SLC22A11: variants seen among roughly 807,000 people sequenced by gnomAD.
SLC22A11 encodes the protein solute carrier family 22 member 11, also known as organic anion transporter 4.
SLC22A11 carries 42 observed loss-of-function variants against 49.4 expected under a neutral mutation model. That is an observed-to-expected ratio of 0.85 (90% CI 0.66 to 1.10). The LOEUF (loss-of-function observed/expected upper bound fraction) is 1.10. Among genes scored for constraint, SLC22A11 ranks in the 50% least tolerant of loss-of-function variants. The pLI is 0.00. For synonymous variants in SLC22A11, 304 were observed against 315.8 expected, an observed-to-expected ratio of 0.96 and a Z score of 0.40; for missense variants, 685 against 731.6, an observed-to-expected ratio of 0.94 and a Z score of 0.74.
chr11:64,558,354 T>A (rs997299595), intron 1 of SLC22A11, among the ~76,000 whole-genome samples: 5 of 152,182 alleles, frequency 3.3e-5, no homozygotes, highest in African/African-American at 1.2e-4. Context: ...AGAGAAGCTC[T>A]GTGGGGGGAT....
intron 1 of SLC22A11, 24 bp downstream of exon 1, chr11:64,556,416 C>T (rs773707058): frequency 1.7e-5 from 27 of 1,605,502 alleles, no homozygotes; most frequent in Non-Finnish European, 2.2e-5. Context: ...CAGAGCCACT[C>T]GAGTCCCGTC....
chr11:64,565,834 C>T lies in SLC22A11; in HGVS notation c.1058+497C>T. The T allele has an allele frequency of 3.5e-6, 1 of 289,210 alleles. No individual in the cohort carries two copies. The highest frequency in any genetic ancestry group is 3.5e-5 in the South Asian group (1 of 28,872). The allele number at this position is 289,210 out of a possible 1,614,324, so 17.9% of individuals were successfully genotyped here. A position where few individuals can be genotyped will look rare whatever the true frequency, so the allele number is the denominator to read the frequency against. On this transcript the variant is annotated intron_variant, in intron 6 of 9. Transcript: ENST00000301891. The surrounding 1 kb of genome is among the most constrained non-coding windows in gnomAD (Gnocchi z 4.1). ...AAGGAACAAGCCCAAAATAATAGAG[C>T]CTGCATTGGAACCGGGCTGAGCTAA... is the stretch of plus-strand genomic sequence containing the variant.
In SLC22A11 at chr11:64,564,539, A is replaced by C; in HGVS notation, c.942+111A>C. 1 of 1,337,168 alleles carries C rather than the reference A, an allele frequency of 7.5e-7. No homozygotes were observed. Among genetic ancestry groups the C allele is most frequent in the Non-Finnish European group, 1.0e-6 (1 of 963,328 alleles). 82.8% of individuals were successfully genotyped at this position (1,337,168 alleles called of 1,614,324 possible). On this transcript the variant is annotated intron_variant, in intron 5 of 9. Coordinates refer to ENST00000301891, the MANE Select transcript of SLC22A11 (RefSeq NM_018484.4). This position sits in a 1 kb window ranked among gnomAD's most constrained non-coding sequence, Gnocchi z 4.2. Reference sequence around the variant, plus strand: ...CTCCAGCACCACCTCCACCAGCACCACCACCAGCATCTCCACAGACACCAC... The same window carrying C: ...CTCCAGCACCACCTCCACCAGCACCCCCACCAGCATCTCCACAGACACCAC...
chr11:64,557,932 G>A lies in SLC22A11; in HGVS notation c.394-1203G>A, dbSNP rs1273691893. Among the ~76,000 whole-genome samples the A allele has an allele frequency of 2.0e-5, 3 of 151,828 alleles. No individual in the cohort carries two copies. The East Asian group carries it at 5.8e-4, about 29-fold the overall frequency. On this transcript the variant is annotated intron_variant, in intron 1 of 9. Coordinates refer to ENST00000301891, the MANE Select transcript of SLC22A11 (RefSeq NM_018484.4). Reference sequence around the variant, plus strand: ...CCAGCCTCAGCCTCCCGAGTAGCTGGAATTACAGGCATGCACAACCACTCC... The same window carrying A: ...CCAGCCTCAGCCTCCCGAGTAGCTGAAATTACAGGCATGCACAACCACTCC...
chr11:64,559,485 C>T (rs2047264306), intron 2 of SLC22A11, among the ~76,000 whole-genome samples: 1 of 152,070 alleles, frequency 6.6e-6, no homozygotes, highest in African/African-American at 2.4e-5. Context: ...GGCCATCCCC[C>T]ACCGCCCCCA....
In SLC22A11 at chr11:64,567,716, T is replaced by C. The variant is rs2038646593; in HGVS notation, c.1176T>C (p.Thr392=). Reference sequence around the variant, plus strand: ...TGGACTTCCTGGGCCGGGCCACCACTGCCCTCTTGCTCAGTTTCCTTGGCC... The same window carrying C: ...TGGACTTCCTGGGCCGGGCCACCACCGCCCTCTTGCTCAGTTTCCTTGGCC... ...GAVDFLGRAT[T]ALLLSFLGRR... Residue 392 remains threonine (T), a synonymous_variant, in exon 7 of 10, where the codon ACT becomes ACC. Coordinates refer to ENST00000301891, the MANE Select transcript of SLC22A11 (RefSeq NM_018484.4). 6.2e-7 allele frequency: 1 copy of C among 1,613,684 alleles called. No homozygotes were observed. Among genetic ancestry groups the C allele is most frequent in the African/African-American group, 1.3e-5 (1 of 74,940 alleles).
Position 64,562,914 on chromosome 11 carries a change from C to T in SLC22A11, c.821+479C>T, listed in dbSNP as rs1261480906. On this transcript the variant is annotated intron_variant, in intron 4 of 9. Transcript: ENST00000301891. The surrounding 1 kb of genome is among the most constrained non-coding windows in gnomAD (Gnocchi z 4.4). ...GAGCATCGTCCTTCCTCAATACTTGCACCAGCCCCCACCCACCAGCTTCAC... is the reference window on the plus strand; with the variant it reads ...GAGCATCGTCCTTCCTCAATACTTGTACCAGCCCCCACCCACCAGCTTCAC... 1.3e-5 allele frequency among the ~76,000 whole-genome samples: 2 copies of T among 152,204 alleles called. No individual in the cohort carries two copies. The highest frequency in any genetic ancestry group is 2.9e-5 in the Non-Finnish European group (2 of 68,030).
At chr11:64,567,963 C>A in intron 7 of SLC22A11, 150 bp downstream of exon 7, 1 of 821,334 alleles carries the variant, frequency 1.2e-6, no homozygotes, top group Admixed American at 2.7e-5. Flanking sequence ...CCTGGAATCC[C>A]TCTCTGTGTC....
Position 64,562,396 on chromosome 11 carries a change from C to T in SLC22A11, c.782C>T (p.Ala261Val). Reference protein sequence around the residue: ...ALRDWRTLQLAASVPFFAISL... With the variant: ...ALRDWRTLQLVASVPFFAISL... ...CGGGACTGGAGGACTCTCCAGCTGG[C>T]AGCATCAGTGCCCTTCTTTGCCATC... The change falls in exon 4 of 10, where the codon GCA becomes GTA. Residue 261 changes from alanine to valine, a missense_variant. Transcript: ENST00000301891. The surrounding 1 kb of genome is among the most constrained non-coding windows in gnomAD (Gnocchi z 4.4). 3 of 1,603,312 alleles carry T rather than the reference C, an allele frequency of 1.9e-6. No individual in the cohort carries two copies. The highest frequency in any genetic ancestry group is 2.2e-5 in the South Asian group (2 of 90,352).
Position 64,556,198 on chromosome 11 carries a change from A to G in SLC22A11, c.199A>G (p.Lys67Glu), listed in dbSNP as rs370437108. The G allele has an allele frequency of 9.9e-6, 16 of 1,613,862 alleles. No individual in the cohort carries two copies. The Admixed American group carries it at 1.7e-4, about 17-fold the overall frequency. ...TGCGGTTTCCACAAACATGACCCCC[A>G]AGGCCCTTCTGACCATCTCCATCCC... ...GSAVSTNMTP[K>E]ALLTISIPPG... The change falls in exon 1 of 10, where the codon AAG becomes GAG. Residue 67 changes from lysine (K) to glutamate (E), a missense_variant. Transcript: ENST00000301891.
rs749053985 is a variant in SLC22A11 at position 64,565,649 on chromosome 11, AG to A, written c.1058+316del. 27 of 477,728 alleles carry A rather than the reference AG, an allele frequency of 5.7e-5. No homozygotes were observed. Among genetic ancestry groups the A allele is most frequent in the Non-Finnish European group, 9.8e-5 (24 of 245,648 alleles). 29.6% of individuals were successfully genotyped at this position (477,728 alleles called of 1,614,324 possible). ...AGGCAGAGCCAGGGTCCCTAGAGCC[AG>A]GGGACCAGCCACGGCCGAGGAGTAC... On this transcript the variant is annotated intron_variant, in intron 6 of 9. Transcript: ENST00000301891. This position sits in a 1 kb window ranked among gnomAD's most constrained non-coding sequence, Gnocchi z 4.1.
At position 64,568,769 on chromosome 11, in the gene SLC22A11, CGCCA is replaced by C; in HGVS notation, c.1375_1378del (p.Pro459CysfsTer3). 6.2e-7 allele frequency: 1 copy of C among 1,613,688 alleles called. No homozygotes were observed. Among genetic ancestry groups the C allele is most frequent in the Non-Finnish European group, 8.5e-7 (1 of 1,179,724 alleles). ...ATCTACAAGGCTGAACTCTTTCCAA[CGCCA>C]GTGCGGTAAGCTGGGCTGCAGGCCA... On this transcript the variant is annotated frameshift_variant, in exon 8 of 10. Coordinates refer to ENST00000301891, the MANE Select transcript of SLC22A11 (RefSeq NM_018484.4). LOFTEE classifies it high-confidence loss of function.
rs1458791092 is a variant in SLC22A11, at chr11:64,556,170, C to T, written c.171C>T (p.Gly57=). The change falls in exon 1 of 10, where the codon GGC becomes GGT. Residue 57 remains glycine (G), a synonymous_variant. Coordinates refer to ENST00000301891, the MANE Select transcript of SLC22A11 (RefSeq NM_018484.4). The part of the protein sequence containing the change: ...HRCWTHMLDN[G]SAVSTNMTPK... ...GCTGGACACACATGCTGGACAATGG[C>T]TCTGCGGTTTCCACAAACATGACCC... is the stretch of plus-strand genomic sequence containing the variant. The T allele has an allele frequency of 6.2e-7, 1 of 1,614,230 alleles. No individual in the cohort carries two copies. Among genetic ancestry groups the T allele is most frequent in the South Asian group, 1.1e-5 (1 of 91,084 alleles).
rs755732573 is a variant in SLC22A11 at position 64,569,684 on chromosome 11, G to C, written c.1415G>C (p.Gly472Ala). 8 of 1,613,980 alleles carry C rather than the reference G, an allele frequency of 5.0e-6. No homozygotes were observed. In the African/African-American group the frequency reaches 9.3e-5, roughly 19 times the overall value. ...GCAGATGGCATTCTGCATACAGTGG[G>C]CCGGCTGGGGGCTATGATGGGTCCC... is the stretch of plus-strand genomic sequence containing the variant. ...MTADGILHTV[G>A]RLGAMMGPLI... Residue 472 changes from glycine to alanine, a missense_variant, in exon 9 of 10, where the codon GGC becomes GCC. By Grantham distance (60) the Gly-to-Ala change is moderately conservative (BLOSUM62 0). Coordinates refer to ENST00000301891, the MANE Select transcript of SLC22A11 (RefSeq NM_018484.4).
At chr11:64,563,737 G>C (rs2038583587) in intron 4 of SLC22A11, among the ~76,000 whole-genome samples, 1 of 150,662 alleles carries the variant, frequency 6.6e-6, no homozygotes, top group Admixed American at 6.6e-5. Flanking sequence ...GGCTAACATG[G>C]TGAAACCCCA....
Position 64,569,854 on chromosome 11 carries a change from A to T in SLC22A11, c.1585A>T (p.Ser529Cys). 1 of 1,612,622 alleles carries T rather than the reference A, an allele frequency of 6.2e-7. No homozygotes were observed. Among genetic ancestry groups the T allele is most frequent in the South Asian group, 1.1e-5 (1 of 91,076 alleles). The stretch of plus-strand genomic sequence containing the variant: ...CCCTGACACTATCCAGGACCTGGAG[A>T]GCCAGTGAGTGACCTGTGATCCCTG... ...PLPDTIQDLE[S>C]QKSTAAQGNR... The change falls in exon 9 of 10, where the codon AGC becomes TGC. Residue 529 changes from serine (S) to cysteine (C), a missense_variant. Coordinates refer to ENST00000301891, the MANE Select transcript of SLC22A11 (RefSeq NM_018484.4).
In SLC22A11 at chr11:64,567,757, C is replaced by T. The variant is rs1412431218; in HGVS notation, c.1217C>T (p.Ala406Val). 3 of 1,612,756 alleles carry T rather than the reference C, an allele frequency of 1.9e-6. No individual in the cohort carries two copies. The highest frequency in any genetic ancestry group is 1.1e-5 in the South Asian group (1 of 91,058). The change falls in exon 7 of 10, where the codon GCG becomes GTG. Residue 406 changes from alanine to valine, a missense_variant. By Grantham distance (64) the Ala-to-Val change is moderately conservative (BLOSUM62 0). Coordinates refer to ENST00000301891, the MANE Select transcript of SLC22A11 (RefSeq NM_018484.4). ...TTCCTTGGCCGCCGCACCATCCAGG[C>T]GGGTTCCCAGGCCATGGCCGGCCTC... The part of the protein sequence containing the change: ...LSFLGRRTIQ[A>V]GSQAMAGLAI...
chr11:64,564,619 G>A lies in SLC22A11; in HGVS notation c.942+191G>A, dbSNP rs533701933. 2.0e-5 allele frequency among the ~76,000 whole-genome samples: 3 copies of A among 150,384 alleles called. No homozygotes were observed. Among genetic ancestry groups the A allele is most frequent in the East Asian group, 2.0e-4 (1 of 5,120 alleles). On this transcript the variant is annotated intron_variant, in intron 5 of 9. Transcript: ENST00000301891. This position sits in a 1 kb window ranked among gnomAD's most constrained non-coding sequence, Gnocchi z 4.2. ...CACCACCACCACCACCACCAATCCC[G>A]ATACCATCACCAACAGCACCACCAC...
intron 8 of SLC22A11, 28 bp downstream of exon 8, chr11:64,568,806 G>C (rs1458137313): frequency 6.3e-7 from 1 of 1,580,214 alleles, no homozygotes. Flanking sequence ...CCATGCCCCA[G>C]GGCCAGCAGG....
Sources: allele counts gnomAD v4.1 joint callset (sites outside exome capture counted in the v4.1 genomes callset), GRCh38; gene constraint gnomAD v4.1.1; non-coding constraint Gnocchi (gnomAD v3.1); transcripts MANE v1.5; gene names NCBI Gene and HGNC (gene_info 2026-07-23, HGNC 2026-07-21).